The following CUX1 variants were observed in gnomAD, a reference collection of about 807,000 sequenced individuals.
CUX1 encodes the protein protein CASP.
CUX1 carries 31 observed loss-of-function variants against 158.8 expected under a neutral mutation model. The observed-to-expected ratio is 0.20, with a 90% CI of 0.15 to 0.26. The LOEUF is 0.26. Ranked by LOEUF, CUX1 falls within the 10% of genes least tolerant of loss-of-function variation. The pLI is 1.00. For synonymous variants in CUX1, 879 were observed against 862.1 expected (o/e 1.02, Z -0.34); for missense variants, 1,589 against 2,014.6 (o/e 0.79, Z 4.04).
chr7:101,817,485 C>T, upstream of CUX1: 2 of 1,100,330 alleles, frequency 1.8e-6, no homozygotes, highest in South Asian at 8.9e-5. The surrounding 1 kb of genome is among the most constrained non-coding windows in gnomAD (Gnocchi z 4.1). Context: ...CGTGCCGGGG[C>T]TCCCCGGCCC....
At chr7:101,839,423 A>G (rs989137480) in intron 1 of CUX1, among the ~76,000 whole-genome samples, 2 of 152,068 alleles carry the variant, frequency 1.3e-5, no homozygotes, top group Non-Finnish European at 1.5e-5. Flanking sequence ...GCACCTCCAG[A>G]TCGCTTCCCA....
intron 2 of CUX1, among the ~76,000 whole-genome samples, chr7:101,995,362 GTTCT>G (rs747463692): frequency 1.3e-5 from 2 of 152,144 alleles, no homozygotes; most frequent in Non-Finnish European, 2.9e-5. Flanking sequence ...GGTGCATCCT[GTTCT>G]TTCTGTCATT....
chr7:102,061,557 A>G (rs531034779), intron 3 of CUX1, among the ~76,000 whole-genome samples: 1 of 152,306 alleles, frequency 6.6e-6, no homozygotes, highest in East Asian at 1.9e-4. Context: ...ACTGAGGCCC[A>G]GAGAGGTTAA....
upstream of CUX1, chr7:101,817,537 T>G (rs1791996554): frequency 1.6e-6 from 2 of 1,246,230 alleles, no homozygotes; most frequent in Non-Finnish European, 2.0e-6. The surrounding 1 kb of genome is among the most constrained non-coding windows in gnomAD (Gnocchi z 4.1). Context: ...AGTGCCTGCC[T>G]GCCACCCCCC....
At chr7:102,204,913 T>C (rs782371311) in intron 19 of CUX1, among the ~76,000 whole-genome samples, 1 of 152,224 alleles carries the variant, frequency 6.6e-6, no homozygotes, top group Non-Finnish European at 1.5e-5. Flanking sequence ...AAGTGGAAGA[T>C]GTCACAGGCG....
Position 101,817,729 on chromosome 7 carries a change from C to CG in CUX1, c.30+66dup. On this transcript the variant is annotated intron_variant, in intron 1 of 23. Transcript: ENST00000292535. The surrounding 1 kb of genome is among the most constrained non-coding windows in gnomAD (Gnocchi z 4.1). ...CAGGCGCGGAGGGAACCGGGGATGT[C>CG]GGGGGGTGCCCGGGTCCCGCGGCTT... 2.6e-6 allele frequency: 4 copies of CG among 1,539,012 alleles called. No homozygotes were observed. Among genetic ancestry groups the CG allele is most frequent in the East Asian group, 2.5e-5 (1 of 40,616 alleles).
At chr7:102,046,126 C>G (rs1391665982) in intron 3 of CUX1, among the ~76,000 whole-genome samples, 1 of 152,198 alleles carries the variant, frequency 6.6e-6, no homozygotes, top group Non-Finnish European at 1.5e-5. Context: ...CTGAAGAGAC[C>G]AGTGGGTTGC....
intron 2 of CUX1, among the ~76,000 whole-genome samples, chr7:101,998,897 A>G (rs1816321890): frequency 6.6e-6 from 1 of 152,184 alleles, no homozygotes; most frequent in Non-Finnish European, 1.5e-5. Context: ...CTGAGCCCCC[A>G]GGTTCACGGC....
Position 102,249,734 on chromosome 7 carries a change from G to C in CUX1, c.*692G>C. The C allele has an allele frequency of 1.0e-6, 1 of 983,532 alleles. No individual in the cohort carries two copies. The highest frequency in any genetic ancestry group is 1.2e-6 in the Non-Finnish European group (1 of 828,366). The allele number at this position is 983,532 out of a possible 1,614,324, so 60.9% of individuals were successfully genotyped here. ...AAAAGAAAGTTTTTGTAGCTGTTCA[G>C]TTGCCACTAAGAGATTGCACAGTCA... On this transcript the variant is annotated 3_prime_UTR_variant, in exon 24 of 24. Coordinates refer to ENST00000292535, the MANE Select transcript of CUX1 (RefSeq NM_181552.4).
intron 22 of CUX1, 117 bp downstream of exon 22, chr7:102,234,357 G>C: frequency 3.2e-6 from 3 of 947,264 alleles, no homozygotes; most frequent in Middle Eastern, 3.6e-4. Flanking sequence ...AGGGACCAGA[G>C]GACAGGGCAA....
chr7:102,133,368 G>A (rs1452960791), intron 8 of CUX1, among the ~76,000 whole-genome samples: 5 of 151,598 alleles, frequency 3.3e-5, no homozygotes, highest in Non-Finnish European at 7.4e-5. Context: ...CTGCTGTGGT[G>A]AAAGAGGGCT....
intron 21 of CUX1, among the ~76,000 whole-genome samples, chr7:102,233,616 G>A (rs1023655335): frequency 1.1e-4 from 17 of 152,116 alleles, no homozygotes; most frequent in African/African-American, 3.4e-4. Flanking sequence ...GCGAAAACCC[G>A]TCTCTACTAA....
Position 102,201,640 on chromosome 7 carries a change from C to T in CUX1, c.2343C>T (p.Pro781=). The T allele has an allele frequency of 6.2e-7, 1 of 1,613,646 alleles. No homozygotes were observed. Among genetic ancestry groups the T allele is most frequent in the Non-Finnish European group, 8.5e-7 (1 of 1,179,902 alleles). Residue 781 remains proline (P), a synonymous_variant, in exon 18 of 24, where the codon CCC becomes CCT. Transcript: ENST00000292535. The surrounding 1 kb of genome is among the most constrained non-coding windows in gnomAD (Gnocchi z 5.0). ...CCGGTGCCTCTGCTCTGCCGAACCC[C>T]CCGGCCCTCAAAAAGGAGGCCCAGG... ...PEAGASALPN[P]PALKKEAQDA... is the part of the protein sequence containing the mutation.
chr7:102,009,392 G>C (rs1817738223), intron 2 of CUX1, among the ~76,000 whole-genome samples: 1 of 152,190 alleles, frequency 6.6e-6, no homozygotes. Context: ...CTGAAGAAAG[G>C]CTGCGTGGGG....
intron 11 of CUX1, chr7:102,188,818 CA>C (rs201921412): frequency 6.6e-3 from 536 of 81,702 alleles, no homozygotes; most frequent in Middle Eastern, 0.045. Context: ...CTGTCTCCAC[CA>C]AAAAAAAAAA....
At chr7:101,833,394 A>G (rs1023209862) in intron 1 of CUX1, among the ~76,000 whole-genome samples, 5 of 151,444 alleles carry the variant, frequency 3.3e-5, no homozygotes, top group African/African-American at 1.2e-4. Context: ...AGAAAAAAAA[A>G]AAAGAAAGAA....
chr7:102,282,348 A>G (rs782297246), intron 21 of CUX1, among the ~76,000 whole-genome samples: 50 of 152,082 alleles, frequency 3.3e-4, no homozygotes, highest in Non-Finnish European at 6.3e-4. Flanking sequence ...ATGTCTGCCA[A>G]GTTGGGGGAG....
At chr7:102,281,943 C>A in intron 21 of CUX1, 5 of 1,544,874 alleles carry the variant, frequency 3.2e-6, no homozygotes, top group Non-Finnish European at 4.5e-6. Flanking sequence ...ACGGGCGGGC[C>A]AGAGGCACAT....
intron 1 of CUX1, among the ~76,000 whole-genome samples, chr7:101,893,850 T>C (rs1026130555): frequency 1.1e-4 from 16 of 152,230 alleles, no homozygotes; most frequent in Middle Eastern, 3.2e-3. Flanking sequence ...CTTAAAACCT[T>C]CGGAGATTTA....
Sources: gnomAD v4.1 joint callset for allele counts (sites outside exome capture counted in the v4.1 genomes callset) on GRCh38, gnomAD v4.1.1 for gene constraint, Gnocchi (gnomAD v3.1) non-coding constraint, MANE v1.5 for transcripts, NCBI Gene and HGNC (gene_info 2026-07-23, HGNC 2026-07-21) for gene names.